The following ITPKB variants were observed in gnomAD, a reference collection of about 807,000 sequenced individuals.
ITPKB encodes the protein IP3 3-kinase B.
Under a neutral mutation model 69.4 loss-of-function variants are expected in ITPKB, and 13 were observed. The observed-to-expected ratio is 0.19, with a 90% CI of 0.12 to 0.30. ITPKB has a LOEUF of 0.30. Ranked by LOEUF, ITPKB falls within the 10% of genes least tolerant of loss-of-function variation. The pLI, the probability that ITPKB is intolerant of heterozygous loss-of-function variation, is 1.00. For synonymous variants in ITPKB, 584 were observed against 513.7 expected (o/e 1.14, Z -1.85); for missense variants, 1,240 against 1,250.5 (o/e 0.99, Z 0.13).
In ITPKB at chr1:226,643,090, T is replaced by G. The variant is rs544324266; in HGVS notation, c.2247-965A>C. On this transcript the variant is annotated intron_variant, in intron 4 of 7. Coordinates refer to ENST00000429204, the MANE Select transcript of ITPKB (RefSeq NM_002221.4). ...CAGTCCAAAAAGCCTGAGAAAATGCTTCCAACTCAACTGCCTCACGGCCCT... is the reference window on the plus strand; with the variant it reads ...CAGTCCAAAAAGCCTGAGAAAATGCGTCCAACTCAACTGCCTCACGGCCCT... Among the ~76,000 whole-genome samples, 21 of 152,154 alleles carry G rather than the reference T, an allele frequency of 1.4e-4. No homozygotes were observed. In the East Asian group the frequency reaches 4.1e-3, roughly 29 times the overall value.
chr1:226,649,453 ATG>A (rs897019748), intron 2 of ITPKB, among the ~76,000 whole-genome samples: 9 of 134,548 alleles, frequency 6.7e-5, no homozygotes, highest in East Asian at 2.2e-4. Flanking sequence ...GTGTGTGTGC[ATG>A]TGTGATATGT....
intron 2 of ITPKB, among the ~76,000 whole-genome samples, chr1:226,724,147 A>T (rs1289165124): frequency 6.6e-6 from 1 of 152,086 alleles, no homozygotes; most frequent in Non-Finnish European, 1.5e-5. Context: ...GTTAGAGATG[A>T]GGACACTGAG....
chr1:226,650,855 C>T (rs1162330957), intron 2 of ITPKB, among the ~76,000 whole-genome samples: 1 of 152,214 alleles, frequency 6.6e-6, no homozygotes, highest in Admixed American at 6.5e-5. Context: ...CGGTGAGGGA[C>T]AGACAGCTGG....
intron 2 of ITPKB, among the ~76,000 whole-genome samples, chr1:226,682,978 G>T (rs1383549102): frequency 6.6e-6 from 1 of 152,188 alleles, no homozygotes; most frequent in Non-Finnish European, 1.5e-5. Context: ...CCTGGATTGT[G>T]TCATCCGAAG....
chr1:226,675,844 C>T (rs983553965), intron 2 of ITPKB, among the ~76,000 whole-genome samples: 14 of 152,324 alleles, frequency 9.2e-5, no homozygotes, highest in Middle Eastern at 3.4e-3. Context: ...GCTCCTCAAA[C>T]GCATCCTCTC....
intron 2 of ITPKB, among the ~76,000 whole-genome samples, chr1:226,719,394 A>C (rs1018405364): frequency 3.9e-5 from 6 of 152,216 alleles, no homozygotes; most frequent in Admixed American, 3.9e-4. Context: ...GTGGTCGGTC[A>C]CTTGCCGCCC....
intron 2 of ITPKB, among the ~76,000 whole-genome samples, chr1:226,689,378 T>C (rs1021544224): frequency 2.6e-5 from 4 of 152,060 alleles, no homozygotes; most frequent in East Asian, 1.9e-4. Context: ...TCCCAGAGAG[T>C]GTCCAGGATA....
At chr1:226,651,902 C>G (rs1669201487) in intron 2 of ITPKB, among the ~76,000 whole-genome samples, 1 of 152,230 alleles carries the variant, frequency 6.6e-6, no homozygotes, top group African/African-American at 2.4e-5. Context: ...CCCACACCTC[C>G]TCCATTTCTT....
intron 2 of ITPKB, among the ~76,000 whole-genome samples, chr1:226,688,469 T>C (rs1656267881): frequency 6.6e-6 from 1 of 151,956 alleles, no homozygotes; most frequent in African/African-American, 2.4e-5. Flanking sequence ...TGGCATTAGA[T>C]AGTAATGAGG....
intron 2 of ITPKB, chr1:226,657,032 G>A (rs749093300): frequency 1.1e-4 from 17 of 152,248 alleles, no homozygotes; most frequent in Non-Finnish European, 2.1e-4. Context: ...GGGCCTGATC[G>A]TGGCCAGTGG....
chr1:226,678,034 G>T lies in ITPKB; in HGVS notation c.1933-29263C>A, dbSNP rs541240843. On this transcript the variant is annotated intron_variant, in intron 2 of 7. Transcript: ENST00000429204. ...ATTACTTGAATACATTGAAAACCAT[G>T]AAACGAAGGAATTAAAAAAAAGAAA... Among the ~76,000 whole-genome samples the T allele has an allele frequency of 6.9e-4, 105 of 152,220 alleles. 1 individual carries two copies. The highest frequency in any genetic ancestry group is 3.4e-3 in the Middle Eastern group (1 of 294).
chr1:226,685,278 G>A (rs1283310604), intron 2 of ITPKB, among the ~76,000 whole-genome samples: 1 of 152,100 alleles, frequency 6.6e-6, no homozygotes, highest in Non-Finnish European at 1.5e-5. Context: ...AATTCAGCTC[G>A]TGCTGAGCTC....
At chr1:226,654,661 G>C (rs1669255294) in intron 2 of ITPKB, among the ~76,000 whole-genome samples, 1 of 152,202 alleles carries the variant, frequency 6.6e-6, no homozygotes, top group Non-Finnish European at 1.5e-5. Flanking sequence ...AGCCAGTGGG[G>C]CTGCCTGGGG....
chr1:226,680,372 G>T (rs577425973), intron 2 of ITPKB, among the ~76,000 whole-genome samples: 1 of 152,214 alleles, frequency 6.6e-6, no homozygotes, highest in South Asian at 2.1e-4. Context: ...TTGGCAGAGA[G>T]GGGGGAGGTA....
intron 4 of ITPKB, among the ~76,000 whole-genome samples, chr1:226,644,394 G>C (rs1454812530): frequency 6.6e-6 from 1 of 152,218 alleles, no homozygotes; most frequent in Non-Finnish European, 1.5e-5. Context: ...AGATCAGGTG[G>C]AGGAAGTGCT....
In ITPKB at chr1:226,651,025, G is replaced by A. The variant is rs567946995; in HGVS notation, c.1933-2254C>T. Among the ~76,000 whole-genome samples, 9 of 152,342 alleles carry A rather than the reference G, an allele frequency of 5.9e-5. No individual in the cohort carries two copies. The East Asian group carries it at 1.4e-3, about 23-fold the overall frequency. Reference sequence around the variant, plus strand: ...TATGTATACAGGAGGAGGCAAATGAGCATGCATGGAGGAAGGGTCCCAGGA... The same window carrying A: ...TATGTATACAGGAGGAGGCAAATGAACATGCATGGAGGAAGGGTCCCAGGA... On this transcript the variant is annotated intron_variant, in intron 2 of 7. Transcript: ENST00000429204.
chr1:226,677,280 T>C (rs1404025430), intron 2 of ITPKB, among the ~76,000 whole-genome samples: 2 of 152,248 alleles, frequency 1.3e-5, no homozygotes, highest in East Asian at 1.9e-4. Context: ...TCTGATTCAC[T>C]GCCTGGCAGA....
intron 2 of ITPKB, among the ~76,000 whole-genome samples, chr1:226,716,655 G>C (rs900044987): frequency 6.6e-6 from 1 of 152,132 alleles, no homozygotes; most frequent in Non-Finnish European, 1.5e-5. Flanking sequence ...ATCAAACCTA[G>C]GTTTTCAAAA....
chr1:226,708,190 G>A (rs769836825), intron 2 of ITPKB, among the ~76,000 whole-genome samples: 6 of 152,144 alleles, frequency 3.9e-5, no homozygotes, highest in South Asian at 4.1e-4. Context: ...GATTTACAAC[G>A]ATTGTAAATA....
Sources: allele counts gnomAD v4.1 joint callset (sites outside exome capture counted in the v4.1 genomes callset), GRCh38; gene constraint gnomAD v4.1.1; transcripts MANE v1.5; gene names NCBI Gene and HGNC (gene_info 2026-07-23, HGNC 2026-07-21).